PPP2R2C: variants seen among roughly 807,000 people sequenced by gnomAD.
The protein encoded by PPP2R2C is protein phosphatase 2 regulatory subunit Bgamma, also known as protein phosphatase 2, regulatory subunit B, gamma.
A neutral mutation model predicts 45.3 loss-of-function variants in PPP2R2C; 10 were observed. That is an observed-to-expected ratio of 0.22 (90% CI 0.14 to 0.37). PPP2R2C has a LOEUF of 0.37. Among genes scored for constraint, PPP2R2C ranks in the 10% least tolerant of loss-of-function variants. PPP2R2C has a pLI of 1.00. For missense variants in PPP2R2C, 308 were observed against 619.7 expected (o/e 0.50, Z 5.34); for synonymous variants, 257 against 245.4 (o/e 1.05, Z -0.44).
At chr4:6,369,001 G>A (rs1024729216) in intron 5 of PPP2R2C, among the ~76,000 whole-genome samples, 2 of 152,136 alleles carry the variant, frequency 1.3e-5, no homozygotes, top group Non-Finnish European at 2.9e-5. Flanking sequence ...CAATCCTTCT[G>A]ATGAATGAAG....
intron 5 of PPP2R2C, among the ~76,000 whole-genome samples, chr4:6,362,825 T>C (rs1713910383): frequency 6.6e-6 from 1 of 152,106 alleles, no homozygotes; most frequent in Non-Finnish European, 1.5e-5. Context: ...AAGTGCATGG[T>C]TCTGCATCCA....
chr4:6,494,412 C>G (rs1269161215), intron 2 of PPP2R2C, among the ~76,000 whole-genome samples: 1 of 152,240 alleles, frequency 6.6e-6, no homozygotes, highest in African/African-American at 2.4e-5. Context: ...ACTTATTCAA[C>G]AGACAGGAAC....
chr4:6,511,284 GCT>G (rs1560593342), intron 2 of PPP2R2C, among the ~76,000 whole-genome samples: 1 of 152,008 alleles, frequency 6.6e-6, no homozygotes, highest in Non-Finnish European at 1.5e-5. Flanking sequence ...TGATGCTGAT[GCT>G]GATGCTGATG....
chr4:6,374,854 G>C (rs963975020), intron 4 of PPP2R2C, among the ~76,000 whole-genome samples: 1 of 152,222 alleles, frequency 6.6e-6, no homozygotes, highest in Non-Finnish European at 1.5e-5. Flanking sequence ...AGGGTGGGTA[G>C]AATGCTGTGC....
chr4:6,425,236 C>G (rs1022543130), intron 1 of PPP2R2C, among the ~76,000 whole-genome samples: 2 of 152,226 alleles, frequency 1.3e-5, no homozygotes, highest in African/African-American at 4.8e-5. Context: ...CTGTCGGCCC[C>G]TCCCACAAGG....
intron 1 of PPP2R2C, 162 bp from the exon 2 acceptor site, chr4:6,381,256 G>T: frequency 6.5e-7 from 1 of 1,534,110 alleles, no homozygotes; most frequent in South Asian, 1.2e-5. Context: ...ATCGGCGAGG[G>T]GCCACCAACC....
At chr4:6,424,319 C>T (rs556582950) in intron 1 of PPP2R2C, among the ~76,000 whole-genome samples, 5 of 152,338 alleles carry the variant, frequency 3.3e-5, no homozygotes, top group East Asian at 3.9e-4. Context: ...TGCCATCCTG[C>T]GTGAGCTGAC....
At chr4:6,391,394 T>C (rs1357272864) in intron 1 of PPP2R2C, among the ~76,000 whole-genome samples, 1 of 152,176 alleles carries the variant, frequency 6.6e-6, no homozygotes, top group African/African-American at 2.4e-5. Flanking sequence ...GAACTCGCCC[T>C]TATTGCCACA....
Position 6,332,061 on chromosome 4 carries a change from C to A in PPP2R2C, c.960+1501G>T, listed in dbSNP as rs1340699323. On this transcript the variant is annotated intron_variant, in intron 7 of 8. Coordinates refer to ENST00000382599, the MANE Select transcript of PPP2R2C (RefSeq NM_020416.4). The surrounding 1 kb of genome is among the most constrained non-coding windows in gnomAD (Gnocchi z 4.9). ...AGTCATTCCCCTCCTTCGTGGGGTC[C>A]TTCATGAGAATTTCAGAAAGCTGTG... Among the ~76,000 whole-genome samples, 1 of 152,212 alleles carries A rather than the reference C, an allele frequency of 6.6e-6. No individual in the cohort carries two copies. The highest frequency in any genetic ancestry group is 1.5e-5 in the Non-Finnish European group (1 of 68,038).
intron 1 of PPP2R2C, among the ~76,000 whole-genome samples, chr4:6,400,350 CA>C (rs35519122): frequency 6.6e-6 from 1 of 151,730 alleles, no homozygotes; most frequent in Non-Finnish European, 1.5e-5. Flanking sequence ...AGTTATTTTC[CA>C]AAAAAAATAT....
chr4:6,339,192 T>A (rs963346814), intron 6 of PPP2R2C, among the ~76,000 whole-genome samples: 1 of 152,268 alleles, frequency 6.6e-6, no homozygotes, highest in Non-Finnish European at 1.5e-5. Flanking sequence ...CCCAAGCCGC[T>A]GGGTACCTTC....
chr4:6,562,962 C>CAAAAAAAAAAAAAAAAAA (rs746793663), intron 1 of PPP2R2C, among the ~76,000 whole-genome samples: 2 of 83,258 alleles, frequency 2.4e-5, no homozygotes, highest in African/African-American at 9.2e-5. Flanking sequence ...CCCTGCCAGC[C>CAAAAAAAAAAAAAAAAAA]AAAAAAAAAA....
chr4:6,508,244 T>C lies in PPP2R2C; in HGVS notation c.49+27027A>G, dbSNP rs185908102. On this transcript the variant is annotated intron_variant, in intron 2 of 9. Transcript: ENST00000506140. ...TTATTAAACGGTCTCTCTAAAATAATAATTGGTTACAGCTGGCATCAGGGA... is the reference window on the plus strand; with the variant it reads ...TTATTAAACGGTCTCTCTAAAATAACAATTGGTTACAGCTGGCATCAGGGA... Among the ~76,000 whole-genome samples, 314 of 152,296 alleles carry C rather than the reference T, an allele frequency of 2.1e-3. No individual in the cohort carries two copies. In the Middle Eastern group the frequency reaches 0.024, roughly 12 times the overall value.
intron 1 of PPP2R2C, among the ~76,000 whole-genome samples, chr4:6,456,403 C>T (rs1009381667): frequency 6.6e-6 from 1 of 151,252 alleles, no homozygotes; most frequent in Non-Finnish European, 1.5e-5. Flanking sequence ...AAAAAGAGCA[C>T]CTTAACATAC....
At chr4:6,514,064 T>C (rs1321204688) in intron 2 of PPP2R2C, among the ~76,000 whole-genome samples, 1 of 152,234 alleles carries the variant, frequency 6.6e-6, no homozygotes, top group African/African-American at 2.4e-5. Context: ...ACCATGTTCA[T>C]GTGCACCGAA....
chr4:6,554,887 AAAGGAAGG>A (rs1185835295), intron 1 of PPP2R2C, among the ~76,000 whole-genome samples: 283 of 106,036 alleles, frequency 2.7e-3, no homozygotes, highest in African/African-American at 9.1e-3. Flanking sequence ...AAAGAAAAAG[AAAGGAAGG>A]AAGGAAGGAA....
intron 5 of PPP2R2C, among the ~76,000 whole-genome samples, chr4:6,370,941 C>A (rs1168078535): frequency 6.6e-6 from 1 of 152,206 alleles, no homozygotes; most frequent in Non-Finnish European, 1.5e-5. Context: ...CTTCCTGGAA[C>A]CTTCCTGGCT....
chr4:6,334,461 G>A (rs1238113657), intron 6 of PPP2R2C, among the ~76,000 whole-genome samples: 9 of 152,138 alleles, frequency 5.9e-5, no homozygotes, highest in African/African-American at 2.2e-4. Context: ...GGACTCCCCA[G>A]ACAGTGTCCC....
intron 2 of PPP2R2C, among the ~76,000 whole-genome samples, chr4:6,502,151 G>A (rs991649521): frequency 1.3e-5 from 2 of 152,174 alleles, no homozygotes; most frequent in African/African-American, 2.4e-5. Context: ...TTCCATGTAA[G>A]AATAAGCATA....
Sources: gnomAD v4.1 joint callset for allele counts (sites outside exome capture counted in the v4.1 genomes callset) on GRCh38, gnomAD v4.1.1 for gene constraint, Gnocchi (gnomAD v3.1) non-coding constraint, MANE v1.5 for transcripts, NCBI Gene and HGNC (gene_info 2026-07-23, HGNC 2026-07-21) for gene names.